The following FMN1 variants were observed in gnomAD, a reference collection of about 807,000 sequenced individuals.
FMN1 encodes formin 1.
Under a neutral mutation model 132.4 loss-of-function variants are expected in FMN1, and 110 were observed. The ratio of observed to expected loss-of-function variants is 0.83; its 90% CI spans 0.71 to 0.97. The LOEUF (loss-of-function observed/expected upper bound fraction) is 0.97. Among genes scored for constraint, FMN1 ranks in the 50% least tolerant of loss-of-function variants. The pLI, the probability that FMN1 is intolerant of heterozygous loss-of-function variation, is 0.00. For synonymous variants in FMN1, 722 were observed against 651.7 expected, an observed-to-expected ratio of 1.11 and a Z score of -1.64; for missense variants, 1,792 against 1,705.3, an observed-to-expected ratio of 1.05 and a Z score of -0.90.
intron 6 of FMN1, among the ~76,000 whole-genome samples, chr15:33,039,304 T>C (rs888137451): frequency 1.3e-5 from 2 of 152,182 alleles, no homozygotes; most frequent in African/African-American, 4.8e-5. Context: ...AGGTATGAGA[T>C]ATTAATTTGT....
intron 2 of FMN1, among the ~76,000 whole-genome samples, chr15:33,185,586 T>C (rs1965855509): frequency 6.7e-6 from 1 of 148,690 alleles, no homozygotes; most frequent in Non-Finnish European, 1.5e-5. Flanking sequence ...TTTTTTTTTT[T>C]TTTTACACAG....
At chr15:33,122,327 T>C (rs1962642909) in intron 4 of FMN1, among the ~76,000 whole-genome samples, 2 of 152,214 alleles carry the variant, frequency 1.3e-5, no homozygotes, top group Admixed American at 1.3e-4. Context: ...CATGTAATTG[T>C]GCTTTAAAAG....
At chr15:32,850,769 A>T (rs1452172054) in intron 17 of FMN1, among the ~76,000 whole-genome samples, 1 of 152,198 alleles carries the variant, frequency 6.6e-6, no homozygotes, top group Non-Finnish European at 1.5e-5. Flanking sequence ...GCTTTTGTTT[A>T]TTTTAAACCT....
rs1007275113 is a variant in FMN1, at chr15:33,187,750, T to G, written c.-197+6159A>C. Among the ~76,000 whole-genome samples, 10 of 152,154 alleles carry G rather than the reference T, an allele frequency of 6.6e-5. 1 individual carries two copies. The highest frequency in any genetic ancestry group is 6.5e-4 in the Admixed American group (10 of 15,282). ...GTCCCCTGGAGCCTTGACACAACTCTGGGGGGTGGTATAATACTGAGAAGG... is the reference window on the plus strand; with the variant it reads ...GTCCCCTGGAGCCTTGACACAACTCGGGGGGGTGGTATAATACTGAGAAGG... On this transcript the variant is annotated intron_variant, in intron 2 of 20. Transcript: ENST00000616417.
intron 3 of FMN1, among the ~76,000 whole-genome samples, chr15:33,179,611 T>C (rs1466324979): frequency 6.6e-6 from 1 of 152,230 alleles, no homozygotes; most frequent in East Asian, 1.9e-4. Context: ...TATATTTCTA[T>C]TGGTTACATT....
intron 17 of FMN1, among the ~76,000 whole-genome samples, chr15:32,825,242 T>C (rs2058334981): frequency 1.3e-5 from 2 of 152,250 alleles, no homozygotes; most frequent in Non-Finnish European, 2.9e-5. Flanking sequence ...TTTTAAAACA[T>C]GAATGTAGTC....
chr15:32,803,323 G>A (rs879939169), intron 18 of FMN1, among the ~76,000 whole-genome samples: 5 of 152,090 alleles, frequency 3.3e-5, no homozygotes, highest in East Asian at 1.9e-4. Flanking sequence ...TGAGAATACC[G>A]CTGTCTATTG....
At chr15:33,009,455 C>T (rs112346109) in intron 6 of FMN1, among the ~76,000 whole-genome samples, 2,220 of 152,286 alleles carry the variant, frequency 0.015, 31 homozygotes, top group Non-Finnish European at 0.025. Flanking sequence ...CTACATATCT[C>T]TCCCTATCAT....
At chr15:32,814,690 C>T (rs530910196) in intron 17 of FMN1, among the ~76,000 whole-genome samples, 13 of 152,200 alleles carry the variant, frequency 8.5e-5, no homozygotes, top group Non-Finnish European at 1.5e-4. Flanking sequence ...GGAAGCTCTT[C>T]TTTCCCAGAC....
At position 32,900,100 on chromosome 15, in the gene FMN1, T is replaced by C; in HGVS notation, c.3533A>G (p.Lys1178Arg). The C allele has an allele frequency of 6.2e-7, 1 of 1,613,874 alleles. No homozygotes were observed. The highest frequency in any genetic ancestry group is 8.5e-7 in the Non-Finnish European group (1 of 1,179,860). The stretch of plus-strand genomic sequence containing the variant: ...AGCCAAGATGAGAGCTAAAATATCC[T>C]TCACGCTCTTCACGTGCAGCAAGTC... ...SKDLLHVKSV[K>R]DILALILAFG... The change falls in exon 14 of 21, where the codon AAG becomes AGG. Residue 1178 changes from lysine to arginine, a missense_variant. Physicochemically the swap from Lys to Arg is conservative, Grantham distance 26. Coordinates refer to ENST00000616417, the MANE Select transcript of FMN1 (RefSeq NM_001277313.2).
chr15:33,061,707 T>C (rs1333097071), intron 6 of FMN1, among the ~76,000 whole-genome samples: 1 of 152,070 alleles, frequency 6.6e-6, no homozygotes, highest in Non-Finnish European at 1.5e-5. Context: ...CAATAAGATA[T>C]AGTATAATAT....
At chr15:32,913,473 C>T (rs1212519694) in intron 10 of FMN1, among the ~76,000 whole-genome samples, 3 of 152,282 alleles carry the variant, frequency 2.0e-5, no homozygotes, top group East Asian at 3.9e-4. Context: ...CCAAACTCAT[C>T]TCCTACCATG....
intron 7 of FMN1, among the ~76,000 whole-genome samples, chr15:33,003,336 A>T (rs1474098762): frequency 6.6e-6 from 1 of 152,224 alleles, no homozygotes; most frequent in Non-Finnish European, 1.5e-5. Context: ...TAAGCTGATA[A>T]GCAACTTCAG....
At chr15:32,862,189 G>C (rs949440492) in intron 16 of FMN1, among the ~76,000 whole-genome samples, 3 of 152,064 alleles carry the variant, frequency 2.0e-5, no homozygotes, top group Non-Finnish European at 2.9e-5. Flanking sequence ...ATAAAGGAGA[G>C]AGGTCATGGA....
At chr15:32,891,326 C>T (rs533920878) in intron 15 of FMN1, among the ~76,000 whole-genome samples, 1 of 152,338 alleles carries the variant, frequency 6.6e-6, no homozygotes, top group Non-Finnish European at 1.5e-5. Flanking sequence ...TGGCTCATTG[C>T]AGGCTCTACC....
intron 18 of FMN1, among the ~76,000 whole-genome samples, chr15:32,802,776 A>G (rs2057523350): frequency 1.3e-5 from 2 of 152,160 alleles, no homozygotes; most frequent in South Asian, 4.2e-4. Context: ...CTTGTTGATA[A>G]TCTCTTATGT....
chr15:32,918,759 T>A (rs1301033621), intron 10 of FMN1, among the ~76,000 whole-genome samples: 4 of 152,174 alleles, frequency 2.6e-5, no homozygotes, highest in African/African-American at 9.7e-5. Flanking sequence ...CTGGTTCTTT[T>A]AAGCCAAAAT....
At chr15:32,981,539 T>TATCTCA (rs2032666917) in intron 7 of FMN1, among the ~76,000 whole-genome samples, 1 of 136,576 alleles carries the variant, frequency 7.3e-6, no homozygotes, top group Non-Finnish European at 1.6e-5. Context: ...ATAATAATAA[T>TATCTCA]AATAATTATT....
chr15:32,958,549 T>TATACATACATACATACATAC (rs34715846), intron 9 of FMN1, among the ~76,000 whole-genome samples: 1 of 150,554 alleles, frequency 6.6e-6, no homozygotes, highest in African/African-American at 2.5e-5. Context: ...TTTGAGAAGA[T>TATACATACATACATACATAC]ATACATACAT....
Sources: gnomAD v4.1 joint callset for allele counts (sites outside exome capture counted in the v4.1 genomes callset) on GRCh38, gnomAD v4.1.1 for gene constraint, MANE v1.5 for transcripts, NCBI Gene and HGNC (gene_info 2026-07-23, HGNC 2026-07-21) for gene names.